The following CSTPP1 variants were observed in gnomAD, a reference collection of about 807,000 sequenced individuals.
CSTPP1 encodes the protein UPF0705 protein C11orf49.
chr11:46,960,271 A>AT, the CSTPP1 span, among the ~76,000 whole-genome samples: 1 of 152,028 alleles, frequency 6.6e-6, no homozygotes, highest in East Asian at 1.9e-4. Context: ...TGTAGGTGAG[A>AT]TTTTTTAGTA....
At chr11:46,974,251 G>T in the CSTPP1 span, among the ~76,000 whole-genome samples, 4 of 152,150 alleles carry the variant, frequency 2.6e-5, no homozygotes, top group African/African-American at 9.7e-5. Flanking sequence ...AAACAGGCCT[G>T]GCGCAGTGGC....
the CSTPP1 span, among the ~76,000 whole-genome samples, chr11:47,036,626 G>T: frequency 5.5e-5 from 7 of 126,144 alleles, 2 homozygotes; most frequent in Non-Finnish European, 1.3e-4. Flanking sequence ...GTAACCTGTA[G>T]TGTTGAACTG....
At chr11:46,976,295 G>A in the CSTPP1 span, among the ~76,000 whole-genome samples, 1 of 151,994 alleles carries the variant, frequency 6.6e-6, no homozygotes, top group Non-Finnish European at 1.5e-5. Context: ...GAATAATAAA[G>A]ACTTTAAATG....
chr11:46,969,299 T>C, the CSTPP1 span, among the ~76,000 whole-genome samples: 5 of 152,256 alleles, frequency 3.3e-5, no homozygotes, highest in African/African-American at 1.2e-4. Flanking sequence ...TTGAGTTTTT[T>C]TGTTTACATT....
At chr11:46,969,254 C>G in the CSTPP1 span, among the ~76,000 whole-genome samples, 2 of 152,188 alleles carry the variant, frequency 1.3e-5, no homozygotes, top group African/African-American at 4.8e-5. Flanking sequence ...GCCCCCGCCC[C>G]TCCTGCATTT....
chr11:47,065,977 T>TGTGTGTGTGTGTG, the CSTPP1 span, among the ~76,000 whole-genome samples: 2 of 146,000 alleles, frequency 1.4e-5, no homozygotes, highest in South Asian at 4.4e-4. Flanking sequence ...GGTCTAACAG[T>TGTGTGTGTGTGTG]TGTGTGTGTG....
chr11:47,137,463 G>A, the CSTPP1 span: 3 of 1,504,212 alleles, frequency 2.0e-6, no homozygotes, highest in South Asian at 2.5e-5. Flanking sequence ...GAAAAGCTTT[G>A]TAGAAATACT....
chr11:46,960,612 A>G, the CSTPP1 span, among the ~76,000 whole-genome samples: 9,217 of 152,224 alleles, frequency 0.061, 365 homozygotes, highest in Middle Eastern at 0.092. Context: ...GCACTTTGGG[A>G]GGCCGAGGTG....
At chr11:47,161,531 C>T in the CSTPP1 span, 23 of 1,614,042 alleles carry the variant, frequency 1.4e-5, no homozygotes, top group South Asian at 3.3e-5. Context: ...CCTGCCTTCC[C>T]GGACCCCTCC....
At chr11:46,949,567 T>C in the CSTPP1 span, among the ~76,000 whole-genome samples, 1 of 152,158 alleles carries the variant, frequency 6.6e-6, no homozygotes, top group Non-Finnish European at 1.5e-5. Flanking sequence ...TTTGATATCA[T>C]ATTTCTAAAT....
chr11:47,157,278 C>A, the CSTPP1 span: 1 of 1,492,856 alleles, frequency 6.7e-7, no homozygotes, highest in East Asian at 2.3e-5. Flanking sequence ...CTGCTGGCTG[C>A]GGAACAGAGC....
At chr11:47,157,826 G>C in the CSTPP1 span, 11 of 1,614,066 alleles carry the variant, frequency 6.8e-6, no homozygotes, top group Non-Finnish European at 9.3e-6. Context: ...CCCACCCCCA[G>C]CACTTGTCAA....
the CSTPP1 span, among the ~76,000 whole-genome samples, chr11:47,089,195 A>C: frequency 1.3e-5 from 2 of 152,208 alleles, no homozygotes; most frequent in Non-Finnish European, 2.9e-5. Context: ...CAAACATAAA[A>C]GTATTATATC....
the CSTPP1 span, among the ~76,000 whole-genome samples, chr11:47,139,397 G>T: frequency 6.6e-6 from 1 of 152,318 alleles, no homozygotes; most frequent in East Asian, 1.9e-4. Flanking sequence ...AAAGCAGCTG[G>T]GCGTGGTAGC....
chr11:47,037,001 TG>T, the CSTPP1 span, among the ~76,000 whole-genome samples: 8 of 126,648 alleles, frequency 6.3e-5, 3 homozygotes, highest in Non-Finnish European at 1.5e-4. Flanking sequence ...TAAAAACAAC[TG>T]GGCTTCTTGG....
At chr11:47,043,991 A>C in the CSTPP1 span, among the ~76,000 whole-genome samples, 1 of 151,938 alleles carries the variant, frequency 6.6e-6, no homozygotes, top group Non-Finnish European at 1.5e-5. Flanking sequence ...ATTTTTATTT[A>C]TTTATTTATT....
the CSTPP1 span, among the ~76,000 whole-genome samples, chr11:47,075,802 C>T: frequency 2.0e-5 from 3 of 151,892 alleles, no homozygotes; most frequent in East Asian, 1.9e-4. Context: ...CCTGTAATCC[C>T]AGCTACTCAG....
At chr11:47,146,238 G>A in the CSTPP1 span, among the ~76,000 whole-genome samples, 37,176 of 151,588 alleles carry the variant, frequency 0.25, 5,299 homozygotes, top group East Asian at 0.65. Context: ...GGTGGCGGGC[G>A]CCTGTAATTC....
the CSTPP1 span, among the ~76,000 whole-genome samples, chr11:47,131,475 G>T: frequency 2.6e-5 from 4 of 152,124 alleles, no homozygotes; most frequent in African/African-American, 9.7e-5. Flanking sequence ...TGAATATATT[G>T]GGAATCAATA....
Sources: gnomAD v4.1 joint callset for allele counts (sites outside exome capture counted in the v4.1 genomes callset) on GRCh38, gnomAD v4.1.1 for gene constraint, MANE v1.5 for transcripts, NCBI Gene and HGNC (gene_info 2026-07-23, HGNC 2026-07-21) for gene names.